The following SLC25A48 variants were observed in gnomAD, a reference collection of about 807,000 sequenced individuals.
The protein encoded by SLC25A48 is CTC-321K16.1.
A neutral mutation model predicts 32.2 loss-of-function variants in SLC25A48; 29 were observed. The observed-to-expected ratio is 0.90, with a 90% CI of 0.67 to 1.23. SLC25A48 has a LOEUF of 1.23. Ranked by LOEUF, SLC25A48 falls within the 50% of genes most tolerant of loss-of-function variation. SLC25A48 has a pLI of 0.00. For synonymous variants in SLC25A48, 164 were observed against 172.3 expected, an observed-to-expected ratio of 0.95 and a Z score of 0.38; for missense variants, 399 against 422.7, an observed-to-expected ratio of 0.94 and a Z score of 0.49.
chr5:135,880,206 C>G, intron 7 of SLC25A48, 109 bp downstream of exon 7: 4 of 1,411,340 alleles, frequency 2.8e-6, no homozygotes, highest in Non-Finnish European at 3.7e-6. Context: ...TTGTTTGTCA[C>G]ATATCTAATC....
intron 1 of SLC25A48, among the ~76,000 whole-genome samples, chr5:135,587,816 G>C (rs552598922): frequency 1.3e-5 from 2 of 152,332 alleles, no homozygotes; most frequent in East Asian, 3.9e-4. Flanking sequence ...GTGCGGCCCA[G>C]ATTTTAAGCA....
chr5:135,698,208 G>A (rs1754311602), intron 3 of SLC25A48, among the ~76,000 whole-genome samples: 1 of 152,228 alleles, frequency 6.6e-6, no homozygotes, highest in Non-Finnish European at 1.5e-5. Flanking sequence ...TCACCATAAG[G>A]CCCTAGGCTG....
intron 3 of SLC25A48, among the ~76,000 whole-genome samples, chr5:135,778,488 CA>C (rs1756627828): frequency 6.6e-6 from 1 of 151,616 alleles, no homozygotes; most frequent in Admixed American, 6.6e-5. Flanking sequence ...TCCTAATGTC[CA>C]GGGAGGAAGA....
chr5:135,620,074 A>C (rs1487135220), intron 1 of SLC25A48, among the ~76,000 whole-genome samples: 2 of 152,214 alleles, frequency 1.3e-5, no homozygotes, highest in Non-Finnish European at 2.9e-5. Context: ...GAGCGATGGC[A>C]ATAGCAGTGG....
chr5:135,859,144 A>G (rs1192982629), intron 4 of SLC25A48, among the ~76,000 whole-genome samples: 3 of 152,168 alleles, frequency 2.0e-5, no homozygotes, highest in Non-Finnish European at 4.4e-5. Flanking sequence ...ATATTAGTCC[A>G]ATCTCTTGCC....
At chr5:135,582,481 A>G (rs1486165544) in intron 1 of SLC25A48, among the ~76,000 whole-genome samples, 1 of 152,098 alleles carries the variant, frequency 6.6e-6, no homozygotes, top group Non-Finnish European at 1.5e-5. Context: ...AGGGCCATTG[A>G]GTTAGATATG....
chr5:135,773,155 T>A (rs1756459147), intron 3 of SLC25A48, among the ~76,000 whole-genome samples: 1 of 151,556 alleles, frequency 6.6e-6, no homozygotes. Flanking sequence ...TGGTAGAGGA[T>A]AATATTACTC....
chr5:135,819,893 G>A (rs1195364479), intron 4 of SLC25A48, among the ~76,000 whole-genome samples: 5 of 152,120 alleles, frequency 3.3e-5, no homozygotes, highest in East Asian at 1.9e-4. Context: ...ATACACCCAC[G>A]AGAATGGCAG....
chr5:135,771,897 T>C (rs1163750108), intron 3 of SLC25A48, among the ~76,000 whole-genome samples: 1 of 151,456 alleles, frequency 6.6e-6, no homozygotes. Context: ...TGGGAGAGGA[T>C]GCTATTACTT....
intron 4 of SLC25A48, among the ~76,000 whole-genome samples, chr5:135,855,007 G>A (rs559738359): frequency 6.6e-6 from 1 of 152,356 alleles, no homozygotes; most frequent in Non-Finnish European, 1.5e-5. Flanking sequence ...GAGAGAGATA[G>A]GGAATGGCTG....
chr5:135,620,482 G>C (rs905333211), intron 1 of SLC25A48, among the ~76,000 whole-genome samples: 5 of 152,142 alleles, frequency 3.3e-5, no homozygotes, highest in African/African-American at 1.2e-4. Flanking sequence ...GGGAGAGCAG[G>C]GTTGCTTTTT....
chr5:135,683,505 C>T (rs913733917), intron 3 of SLC25A48, among the ~76,000 whole-genome samples: 1 of 66,228 alleles, frequency 1.5e-5, no homozygotes, highest in Non-Finnish European at 4.4e-5. Context: ...GAATACATTT[C>T]TTAAAGTAAG....
At chr5:135,864,365 C>T (rs1403379739) in intron 4 of SLC25A48, among the ~76,000 whole-genome samples, 2 of 152,108 alleles carry the variant, frequency 1.3e-5, no homozygotes, top group African/African-American at 2.4e-5. Context: ...GCAGGTTGAC[C>T]TTGGGAAGGA....
chr5:135,736,899 T>C (rs547017520), intron 3 of SLC25A48, among the ~76,000 whole-genome samples: 13 of 151,468 alleles, frequency 8.6e-5, no homozygotes, highest in South Asian at 2.1e-4. Context: ...GGTTGAGGGA[T>C]AGTGAGAGAG....
chr5:135,743,087 T>A (rs1348990659), intron 3 of SLC25A48, among the ~76,000 whole-genome samples: 1 of 90,686 alleles, frequency 1.1e-5, no homozygotes, highest in East Asian at 3.3e-4. Flanking sequence ...TTTTTTTTTT[T>A]TTTTTTGACA....
chr5:135,808,560 G>A (rs1384560672), intron 3 of SLC25A48, among the ~76,000 whole-genome samples: 1 of 151,952 alleles, frequency 6.6e-6, no homozygotes, highest in African/African-American at 2.4e-5. Flanking sequence ...CCTTCTGCGT[G>A]TAGGCCCTCC....
rs1757278566 is a variant in SLC25A48 at position 135,799,877 on chromosome 5, G to A, written c.-520-12646G>A. ...TGTGACATTGTTCCTAATATCCAGG[G>A]GAAAATAGGATGATATTACTCCCAA... On this transcript the variant is annotated intron_variant, in intron 3 of 10. Coordinates refer to the SLC25A48 transcript ENST00000646290. Among the ~76,000 whole-genome samples, 3 of 151,528 alleles carry A rather than the reference G, an allele frequency of 2.0e-5. No individual in the cohort carries two copies. The South Asian group carries it at 6.3e-4, about 32-fold the overall frequency.
intron 3 of SLC25A48, among the ~76,000 whole-genome samples, chr5:135,647,526 A>C (rs1413837439): frequency 2.6e-5 from 4 of 152,104 alleles, no homozygotes; most frequent in Admixed American, 6.5e-5. Context: ...ATTAGGGCCT[A>C]GGGTCCTAAT....
chr5:135,806,452 C>T (rs1477713857), intron 3 of SLC25A48, among the ~76,000 whole-genome samples: 1 of 151,090 alleles, frequency 6.6e-6, no homozygotes, highest in Non-Finnish European at 1.5e-5. Flanking sequence ...AATGTGTTCA[C>T]ACTGTGTTAA....
Sources: allele counts gnomAD v4.1 joint callset (sites outside exome capture counted in the v4.1 genomes callset), GRCh38; gene constraint gnomAD v4.1.1; transcripts MANE v1.5; gene names NCBI Gene and HGNC (gene_info 2026-07-23, HGNC 2026-07-21).